ZFP64: variants seen among roughly 807,000 people sequenced by gnomAD.
ZFP64 encodes ZFP64 zinc finger protein.
In ZFP64, 14 loss-of-function variants were observed where a neutral mutation model predicts 51.6. The ratio of observed to expected loss-of-function variants is 0.27; its 90% CI spans 0.18 to 0.42. The LOEUF (loss-of-function observed/expected upper bound fraction) is 0.42. ZFP64 is among the 10% of genes least tolerant of loss of function. ZFP64 has a pLI of 1.00. For missense variants in ZFP64, 754 were observed against 906.8 expected (o/e 0.83, Z 2.16); for synonymous variants, 375 against 361.4 (o/e 1.04, Z -0.43).
rs752336058 is a variant in ZFP64 at position 52,084,727 on chromosome 20, C to G, written c.1768G>C (p.Val590Leu). The change falls in exon 9 of 9, where the codon GTC becomes CTC. Residue 590 changes from valine to leucine, a missense_variant. Transcript: ENST00000361387. ...TGGCATCTCAGAGAGTCATCCCTGA[C>G]GAAGGAGGCGCCGCAGGTCTCACAG... The G allele has an allele frequency of 9.9e-6, 16 of 1,614,228 alleles. 1 individual carries two copies. In the East Asian group the frequency reaches 3.1e-4, roughly 31 times the overall value.
At chr20:52,142,127 G>A (rs1980283698) in intron 5 of ZFP64, among the ~76,000 whole-genome samples, 1 of 152,074 alleles carries the variant, frequency 6.6e-6, no homozygotes, top group Non-Finnish European at 1.5e-5. Context: ...AGCACTTTGG[G>A]AGGCCAAGGT....
chr20:52,142,311 T>C (rs1354228642), intron 5 of ZFP64, among the ~76,000 whole-genome samples: 4 of 150,552 alleles, frequency 2.7e-5, no homozygotes, highest in Non-Finnish European at 5.9e-5. Flanking sequence ...GAGGTTGCAG[T>C]GAGCCGAGAT....
chr20:52,098,225 C>CT (rs1446137412), intron 6 of ZFP64, among the ~76,000 whole-genome samples: 1 of 150,472 alleles, frequency 6.6e-6, no homozygotes, highest in Admixed American at 6.6e-5. Flanking sequence ...GTGGAAGCTA[C>CT]TATGAATCCA....
chr20:52,181,950 A>G (rs1157034717), intron 2 of ZFP64, among the ~76,000 whole-genome samples: 1 of 152,204 alleles, frequency 6.6e-6, no homozygotes, highest in Non-Finnish European at 1.5e-5. Context: ...CAGAGGCAGG[A>G]ACCATCAGGA....
intron 2 of ZFP64, chr20:52,175,864 G>GCC: frequency 1.2e-5 from 3 of 256,908 alleles, no homozygotes; most frequent in Non-Finnish European, 1.6e-5. Context: ...CCCCGCTGCC[G>GCC]CCCCCGCCCC....
At chr20:52,084,043 A>G (rs2078838039) in exon 9 of ZFP64, 1 of 152,616 alleles carries the variant, frequency 6.6e-6, no homozygotes, top group Non-Finnish European at 1.5e-5. Context: ...TTGTAAGACA[A>G]CAGGTAAAAG....
intron 5 of ZFP64, chr20:52,105,696 G>C (rs1176199411): frequency 6.6e-6 from 1 of 151,828 alleles, no homozygotes; most frequent in Non-Finnish European, 1.5e-5. Flanking sequence ...TCGTTAAAAT[G>C]CAGATTCTGA....
chr20:52,091,626 T>C (rs566590297), intron 7 of ZFP64, among the ~76,000 whole-genome samples: 2 of 152,184 alleles, frequency 1.3e-5, no homozygotes, highest in South Asian at 4.2e-4. Context: ...TTTTAGAATG[T>C]CTTTTAGGAC....
At chr20:52,124,224 C>T (rs185877787) in intron 5 of ZFP64, among the ~76,000 whole-genome samples, 1 of 146,352 alleles carries the variant, frequency 6.8e-6, no homozygotes, top group African/African-American at 2.5e-5. Flanking sequence ...AGACTATTGG[C>T]CACTAGAGTA....
intron 5 of ZFP64, among the ~76,000 whole-genome samples, chr20:52,137,961 A>G (rs911025396): frequency 6.6e-6 from 1 of 152,080 alleles, no homozygotes; most frequent in Non-Finnish European, 1.5e-5. Flanking sequence ...AGATTGCTTG[A>G]GCCCAGGAGT....
At chr20:52,179,121 G>A (rs1203891943) in intron 2 of ZFP64, among the ~76,000 whole-genome samples, 2 of 152,156 alleles carry the variant, frequency 1.3e-5, no homozygotes, top group Non-Finnish European at 2.9e-5. Flanking sequence ...ACTGTTCCTT[G>A]TGATAGAGAA....
intron 2 of ZFP64, among the ~76,000 whole-genome samples, chr20:52,185,867 C>T (rs1056343296): frequency 2.6e-5 from 4 of 152,206 alleles, no homozygotes; most frequent in Non-Finnish European, 5.9e-5. Flanking sequence ...AGGCATGAGC[C>T]ACCGTGTCCA....
chr20:52,183,407 T>C (rs62215779), intron 2 of ZFP64, among the ~76,000 whole-genome samples: 11,961 of 152,218 alleles, frequency 0.079, 538 homozygotes, highest in Non-Finnish European at 0.1. Context: ...TCTGGGATTT[T>C]GGTTTTCGAG....
In ZFP64 at chr20:52,160,141, G is replaced by A; in HGVS notation, c.745C>T (p.His249Tyr). 6.2e-7 allele frequency: 1 copy of A among 1,614,128 alleles called. No homozygotes were observed. The highest frequency in any genetic ancestry group is 8.5e-7 in the Non-Finnish European group (1 of 1,180,040). Residue 249 changes from histidine (H) to tyrosine (Y), a missense_variant, in exon 5 of 6, where the codon CAC becomes TAC. By Grantham distance (83) the His-to-Tyr change is moderately conservative. Coordinates refer to ENST00000216923, the MANE Select transcript of ZFP64 (RefSeq NM_018197.3). The surrounding 1 kb of genome is among the most constrained non-coding windows in gnomAD (Gnocchi z 4.2). The stretch of plus-strand genomic sequence containing the variant: ...GACTCACCCGTGTGGGATCGCAGGT[G>A]GACAGTGAGCTGGCTGGAGTTGCGG... ...ASRNSSQLTV[H>Y]LRSHTGDAPF...
chr20:52,113,986 GC>G (rs1297895229), intron 5 of ZFP64, among the ~76,000 whole-genome samples: 1 of 152,092 alleles, frequency 6.6e-6, no homozygotes, highest in African/African-American at 2.4e-5. Flanking sequence ...AAATGTAATA[GC>G]CAGCCATGGA....
At chr20:52,166,087 C>A in intron 2 of ZFP64, 62 bp from the exon 3 acceptor site, 3 of 1,506,336 alleles carry the variant, frequency 2.0e-6, no homozygotes, top group Non-Finnish European at 8.9e-7. Flanking sequence ...TGGTGTCTGC[C>A]TACTTTCCTT....
downstream of ZFP64, among the ~76,000 whole-genome samples, chr20:52,149,998 G>A (rs1980711498): frequency 2.0e-5 from 3 of 152,214 alleles, no homozygotes; most frequent in South Asian, 2.1e-4. Context: ...CACAAGGTCA[G>A]GAGATCGAGA....
intron 5 of ZFP64, among the ~76,000 whole-genome samples, chr20:52,101,581 TTG>T (rs200297349): frequency 0.014 from 2,182 of 152,192 alleles, 51 homozygotes; most frequent in African/African-American, 0.05. Context: ...TTTTGTAGTT[TTG>T]TTTTTATAGA....
At chr20:52,088,674 G>A (rs1341147132) in intron 7 of ZFP64, 1 of 1,612,080 alleles carries the variant, frequency 6.2e-7, no homozygotes, top group African/African-American at 1.3e-5. Flanking sequence ...AAAGTTAAAG[G>A]TTTTTTGGTC....
Sources: allele counts gnomAD v4.1 joint callset (sites outside exome capture counted in the v4.1 genomes callset), GRCh38; gene constraint gnomAD v4.1.1; non-coding constraint Gnocchi (gnomAD v3.1); transcripts MANE v1.5; gene names NCBI Gene and HGNC (gene_info 2026-07-23, HGNC 2026-07-21).